OXNAD1: variants seen among roughly 807,000 people sequenced by gnomAD.
OXNAD1 encodes the protein oxidoreductase NAD-binding domain-containing protein 1.
Under a neutral mutation model 32.9 loss-of-function variants are expected in OXNAD1, and 34 were observed. That is an observed-to-expected ratio of 1.03 (90% CI 0.79 to 1.38). The LOEUF is 1.38. Ranked by LOEUF, OXNAD1 falls within the 40% of genes most tolerant of loss-of-function variation. OXNAD1 has a pLI of 0.00. For missense variants in OXNAD1, 407 were observed against 379.4 expected (o/e 1.07, Z -0.60); for synonymous variants, 134 against 135.2 (o/e 0.99, Z 0.06).
In OXNAD1 at chr3:16,348,642, C is replaced by A. The variant is rs1429193239; in HGVS notation, c.*31-534C>A. Reference sequence around the variant, plus strand: ...GGCTCCTTGATGTGTGGGGCCTCAGCAAATGCCCCTTTGCATCCTTGTTCC... The same window carrying A: ...GGCTCCTTGATGTGTGGGGCCTCAGAAAATGCCCCTTTGCATCCTTGTTCC... On this transcript the variant is annotated intron_variant, in intron 9 of 9. Coordinates refer to the OXNAD1 transcript ENST00000606098. The surrounding 1 kb of genome is among the most constrained non-coding windows in gnomAD (Gnocchi z 6.3). 6.6e-6 allele frequency among the ~76,000 whole-genome samples: 1 copy of A among 152,212 alleles called. No homozygotes were observed. Among genetic ancestry groups the A allele is most frequent in the African/African-American group, 2.4e-5 (1 of 41,456 alleles).
Position 16,265,738 on chromosome 3 carries a change from T to C in OXNAD1, c.-159+233T>C. ...ATTGTCAACTCTAGGAGTTTACATG[T>C]TATTCCATTTTATTAATCTTTAAAC... On this transcript the variant is annotated intron_variant, in intron 1 of 8. Coordinates refer to ENST00000285083, the MANE Select transcript of OXNAD1 (RefSeq NM_138381.5). This position sits in a 1 kb window ranked among gnomAD's most constrained non-coding sequence, Gnocchi z 4.8. 1 of 386,816 alleles carries C rather than the reference T, an allele frequency of 2.6e-6. No individual in the cohort carries two copies. The highest frequency in any genetic ancestry group is 3.5e-6 in the Non-Finnish European group (1 of 283,076). The allele number at this position is 386,816 out of a possible 1,614,324, so 24.0% of individuals were successfully genotyped here. A position where few individuals can be genotyped will look rare whatever the true frequency, so the allele number is the denominator to read the frequency against.
At chr3:16,309,262 TTGTA>T (rs1439081179), downstream of OXNAD1, among the ~76,000 whole-genome samples, 2 of 152,186 alleles carry the variant, frequency 1.3e-5, no homozygotes, top group African/African-American at 2.4e-5. Flanking sequence ...GTAAACCTGT[TTGTA>T]TAATTTTTCT....
At position 16,334,323 on chromosome 3, in the gene OXNAD1, T is replaced by C. The variant is rs2125259084; in HGVS notation, c.*31-2789T>C. 1.3e-5 allele frequency among the ~76,000 whole-genome samples: 2 copies of C among 152,330 alleles called. No individual in the cohort carries two copies. Among genetic ancestry groups the C allele is most frequent in the East Asian group, 3.9e-4 (2 of 5,192 alleles). ...TGTACATTGCTAGTGGAAGGGCTCA[T>C]TGATTCAACCCTCCTGGAGAACAGT... On this transcript the variant is annotated intron_variant, in intron 9 of 9. Transcript: ENST00000435829. This position sits in a 1 kb window ranked among gnomAD's most constrained non-coding sequence, Gnocchi z 4.3.
At chr3:16,269,666 C>A (rs2064789878) in intron 2 of OXNAD1, among the ~76,000 whole-genome samples, 1 of 152,136 alleles carries the variant, frequency 6.6e-6, no homozygotes, top group Admixed American at 6.5e-5. Flanking sequence ...TTGCTTAGGC[C>A]AGTGCCTGCC....
At chr3:16,294,782 T>A in intron 5 of OXNAD1, 74 bp from the exon 6 acceptor site, 1 of 1,433,550 alleles carries the variant, frequency 7.0e-7, no homozygotes, top group Non-Finnish European at 9.5e-7. Flanking sequence ...CTTGCAAAGG[T>A]TTGTCAATTC....
At chr3:16,292,508 A>G (rs1446135159) in intron 5 of OXNAD1, among the ~76,000 whole-genome samples, 2 of 152,064 alleles carry the variant, frequency 1.3e-5, no homozygotes, top group Non-Finnish European at 2.9e-5. Flanking sequence ...GACTTTCTTG[A>G]TGATAACATT....
chr3:16,291,636 A>G (rs1293011930), intron 5 of OXNAD1, among the ~76,000 whole-genome samples: 4 of 152,172 alleles, frequency 2.6e-5, no homozygotes, highest in Non-Finnish European at 4.4e-5. Flanking sequence ...TTATATCTTC[A>G]TTAGCTGATG....
intron 4 of OXNAD1, among the ~76,000 whole-genome samples, chr3:16,272,691 G>A (rs1346066864): frequency 1.5e-5 from 2 of 137,194 alleles, no homozygotes; most frequent in Non-Finnish European, 3.1e-5. Context: ...AATTAGTTTA[G>A]CATAGTAGAT....
rs1275063965 is a variant in OXNAD1 at position 16,303,749 on chromosome 3, C to G, written c.*187C>G. 1.9e-6 allele frequency: 1 copy of G among 535,622 alleles called. No homozygotes were observed. The highest frequency in any genetic ancestry group is 3.1e-6 in the Non-Finnish European group (1 of 319,104). The allele number at this position is 535,622 out of a possible 1,614,324, so 33.2% of individuals were successfully genotyped here. On this transcript the variant is annotated 3_prime_UTR_variant, in exon 9 of 9. Transcript: ENST00000285083. The surrounding 1 kb of genome is among the most constrained non-coding windows in gnomAD (Gnocchi z 4.8). Reference sequence around the variant, plus strand: ...TAAATGATAAACTTTTTGCAAAGACCTCAGTGATCAAACTATTTTTTACTA... The same window carrying G: ...TAAATGATAAACTTTTTGCAAAGACGTCAGTGATCAAACTATTTTTTACTA...
downstream of OXNAD1, among the ~76,000 whole-genome samples, chr3:16,340,550 C>T (rs555560048): frequency 1.3e-5 from 2 of 152,318 alleles, no homozygotes; most frequent in South Asian, 4.1e-4. Flanking sequence ...TTTGAAGCCA[C>T]TAAGTTTGGA....
Position 16,348,440 on chromosome 3 carries a change from C to T in OXNAD1, c.*31-736C>T, listed in dbSNP as rs2071879924. Among the ~76,000 whole-genome samples, 1 of 152,188 alleles carries T rather than the reference C, an allele frequency of 6.6e-6. No homozygotes were observed. Among genetic ancestry groups the T allele is most frequent in the African/African-American group, 2.4e-5 (1 of 41,442 alleles). On this transcript the variant is annotated intron_variant, in intron 9 of 9. Transcript: ENST00000606098. This position sits in a 1 kb window ranked among gnomAD's most constrained non-coding sequence, Gnocchi z 6.3. The stretch of plus-strand genomic sequence containing the variant: ...CACTTCCCACAGCAGGAAGCCCCCA[C>T]ACTCAATTCCCTTAGCCCATCCAAG...
Position 16,322,859 on chromosome 3 carries a change from G to A in OXNAD1, c.*31-14253G>A, listed in dbSNP as rs2125199459. ...TGAGGACTTGCTGCCACAGGCTACAGCTAGCATCACCAGCTGTCACACAGA... is the reference window on the plus strand; with the variant it reads ...TGAGGACTTGCTGCCACAGGCTACAACTAGCATCACCAGCTGTCACACAGA... On this transcript the variant is annotated intron_variant, in intron 9 of 9. Coordinates refer to the OXNAD1 transcript ENST00000435829. The surrounding 1 kb of genome is among the most constrained non-coding windows in gnomAD (Gnocchi z 6.2). 1.3e-5 allele frequency among the ~76,000 whole-genome samples: 2 copies of A among 152,256 alleles called. No individual in the cohort carries two copies. Among genetic ancestry groups the A allele is most frequent in the African/African-American group, 4.8e-5 (2 of 41,564 alleles).
chr3:16,333,937 G>A (rs748746523), intron 9 of OXNAD1, among the ~76,000 whole-genome samples: 27 of 152,044 alleles, frequency 1.8e-4, no homozygotes, highest in South Asian at 4.2e-4. Context: ...AGGCCGACGC[G>A]GGTAGAGCAC....
Position 16,302,536 on chromosome 3 carries a change from G to T in OXNAD1, c.676-104G>T. On this transcript the variant is annotated intron_variant, in intron 7 of 8. Coordinates refer to ENST00000285083, the MANE Select transcript of OXNAD1 (RefSeq NM_138381.5). The surrounding 1 kb of genome is among the most constrained non-coding windows in gnomAD (Gnocchi z 4.2). ...TCTCTCTAAGTAGAGAGCGAGAGCG[G>T]CAGACGTGTGCAGAATGGGAGTTGA... The T allele has an allele frequency of 1.4e-6, 1 of 736,102 alleles. No homozygotes were observed. Among genetic ancestry groups the T allele is most frequent in the Non-Finnish European group, 2.3e-6 (1 of 426,350 alleles). 45.6% of individuals were successfully genotyped at this position (736,102 alleles called of 1,614,324 possible).
At chr3:16,266,114 GT>G (rs2064478438) in intron 1 of OXNAD1, among the ~76,000 whole-genome samples, 3 of 152,304 alleles carry the variant, frequency 2.0e-5, no homozygotes, top group Non-Finnish European at 4.4e-5. Flanking sequence ...GGAATCTTGA[GT>G]TGTTGATTAC....
At position 16,303,652 on chromosome 3, in the gene OXNAD1, A is replaced by G; in HGVS notation, c.*90A>G. 7.4e-7 allele frequency: 1 copy of G among 1,349,726 alleles called. No homozygotes were observed. Among genetic ancestry groups the G allele is most frequent in the Non-Finnish European group, 9.9e-7 (1 of 1,013,126 alleles). 83.6% of individuals were successfully genotyped at this position (1,349,726 alleles called of 1,614,324 possible). On this transcript the variant is annotated 3_prime_UTR_variant, in exon 9 of 9. Transcript: ENST00000285083. This position sits in a 1 kb window ranked among gnomAD's most constrained non-coding sequence, Gnocchi z 4.8. ...GGCATGATTAATTTTTTTTATCTCTACTTGAGTTGTCTTATTTTTTAAGGC... is the reference window on the plus strand; with the variant it reads ...GGCATGATTAATTTTTTTTATCTCTGCTTGAGTTGTCTTATTTTTTAAGGC...
rs191139344 is a variant in OXNAD1 at position 16,284,164 on chromosome 3, T to A, written c.184-2178T>A. On this transcript the variant is annotated intron_variant, in intron 4 of 8. Coordinates refer to ENST00000285083, the MANE Select transcript of OXNAD1 (RefSeq NM_138381.5). The surrounding 1 kb of genome is among the most constrained non-coding windows in gnomAD (Gnocchi z 4.1). ...CCACACTGCAGTTTCTTGTTGTCCATGTGAGCAGTCTCTGAGATGTTCAGT... is the reference window on the plus strand; with the variant it reads ...CCACACTGCAGTTTCTTGTTGTCCAAGTGAGCAGTCTCTGAGATGTTCAGT... Among the ~76,000 whole-genome samples the A allele has an allele frequency of 1.3e-5, 2 of 152,222 alleles. No individual in the cohort carries two copies. The highest frequency in any genetic ancestry group is 4.8e-5 in the African/African-American group (2 of 41,460).
rs1333662170 is a variant in OXNAD1 at position 16,270,988 on chromosome 3, G to A, written c.36G>A (p.Leu12=). The change falls in exon 3 of 9, where the codon TTG becomes TTA. Residue 12 remains leucine, a synonymous_variant. Coordinates refer to ENST00000285083, the MANE Select transcript of OXNAD1 (RefSeq NM_138381.5). ...CTGCTGTTATGATTCCTGGGTTGTT[G>A]CGGTGCTCTGTTGGAGCCATCCGTA... ...ACAAVMIPGL[L]RCSVGAIRIE... The A allele has an allele frequency of 6.2e-7, 1 of 1,614,074 alleles. No homozygotes were observed. The highest frequency in any genetic ancestry group is 8.5e-7 in the Non-Finnish European group (1 of 1,180,034).
At chr3:16,300,323 A>G (rs759328989) in intron 6 of OXNAD1, among the ~76,000 whole-genome samples, 1 of 152,252 alleles carries the variant, frequency 6.6e-6, no homozygotes, top group Non-Finnish European at 1.5e-5. Flanking sequence ...ACTGGAAGAT[A>G]GAATGAAGTA....
Sources: gnomAD v4.1 joint callset for allele counts (sites outside exome capture counted in the v4.1 genomes callset) on GRCh38, gnomAD v4.1.1 for gene constraint, Gnocchi (gnomAD v3.1) non-coding constraint, MANE v1.5 for transcripts, NCBI Gene and HGNC (gene_info 2026-07-23, HGNC 2026-07-21) for gene names.